The following SRD5A2 variants were observed in gnomAD, a reference collection of about 807,000 sequenced individuals.
SRD5A2 encodes 3-oxo-5-alpha-steroid 4-dehydrogenase 2.
Under a neutral mutation model 27.4 loss-of-function variants are expected in SRD5A2, and 30 were observed. That is an observed-to-expected ratio of 1.10 (90% CI 0.82 to 1.49). The LOEUF is 1.49. Among genes scored for constraint, SRD5A2 ranks in the 40% most tolerant of loss-of-function variants. SRD5A2 has a pLI of 0.00. For synonymous variants in SRD5A2, 141 were observed against 133.6 expected (o/e 1.06, Z -0.38); for missense variants, 348 against 323.4 (o/e 1.08, Z -0.58).
the SRD5A2 span, among the ~76,000 whole-genome samples, chr2:31,614,937 G>A: frequency 6.6e-6 from 1 of 152,082 alleles, no homozygotes. Flanking sequence ...TGTTTGCATA[G>A]TAGTGAATAA....
At chr2:31,661,999 T>C in the SRD5A2 span, among the ~76,000 whole-genome samples, 1 of 152,190 alleles carries the variant, frequency 6.6e-6, no homozygotes, top group East Asian at 1.9e-4. Context: ...AGAATTTTCA[T>C]TAGAATGTTT....
chr2:31,523,146 T>C lies in SRD5A2; in HGVS notation c.*3050A>G. Reference sequence around the variant, plus strand: ...ATAAGGGGGTTTATGACCTGAAACCTTTTTTCCATGCTGAACACACATGTT... The same window carrying C: ...ATAAGGGGGTTTATGACCTGAAACCCTTTTTCCATGCTGAACACACATGTT... On this transcript the variant is annotated 3_prime_UTR_variant, in exon 5 of 5. Transcript: ENST00000622030. The C allele has an allele frequency of 9.3e-6, 2 of 213,904 alleles. No homozygotes were observed. The highest frequency in any genetic ancestry group is 1.9e-5 in the Non-Finnish European group (2 of 105,880). 13.3% of individuals were successfully genotyped at this position (213,904 alleles called of 1,614,324 possible).
At chr2:31,546,522 C>A (rs202238248) in intron 1 of SRD5A2, among the ~76,000 whole-genome samples, 1 of 6 alleles carries the variant, frequency 0.17, no homozygotes, top group Admixed American at 0.5. Flanking sequence ...TTATTCAAAG[C>A]CAAATTAATA....
intron 1 of SRD5A2, among the ~76,000 whole-genome samples, chr2:31,553,582 C>T (rs945692861): frequency 1.3e-5 from 2 of 152,170 alleles, no homozygotes; most frequent in African/African-American, 4.8e-5. Context: ...TCAGATTTCT[C>T]ATAAGAAGCC....
chr2:31,529,128 C>G (rs1665846135), intron 4 of SRD5A2, among the ~76,000 whole-genome samples, 179 bp downstream of exon 4: 1 of 152,226 alleles, frequency 6.6e-6, no homozygotes, highest in African/African-American at 2.4e-5. Flanking sequence ...TCTCATCCAG[C>G]TAACTTCCAA....
rs185904131 is a variant in SRD5A2 at position 31,528,715 on chromosome 2, A to C, written c.698+592T>G. ...TGGGAGGTGAAGGCTGCAGTGAGGC[A>C]AGATCGCCCCATTGCACTTCAGCCT... On this transcript the variant is annotated intron_variant, in intron 4 of 4. Transcript: ENST00000622030. Among the ~76,000 whole-genome samples, 412 of 152,274 alleles carry C rather than the reference A, an allele frequency of 2.7e-3. 5 individuals are homozygous for C. Among genetic ancestry groups the C allele is most frequent in the Admixed American group, 8.9e-3 (136 of 15,288 alleles).
At chr2:31,657,264 G>C in the SRD5A2 span, among the ~76,000 whole-genome samples, 2 of 151,762 alleles carry the variant, frequency 1.3e-5, no homozygotes, top group African/African-American at 4.8e-5. Flanking sequence ...CTGGGTGTGG[G>C]GTATGAGAAA....
chr2:31,654,245 A>G, the SRD5A2 span, among the ~76,000 whole-genome samples: 1 of 152,174 alleles, frequency 6.6e-6, no homozygotes, highest in East Asian at 1.9e-4. Flanking sequence ...GGCTGAAACC[A>G]CATAAGCAAA....
At chr2:31,657,211 A>G in the SRD5A2 span, among the ~76,000 whole-genome samples, 3 of 152,190 alleles carry the variant, frequency 2.0e-5, no homozygotes, top group Non-Finnish European at 4.4e-5. Context: ...GTGCACACAA[A>G]TGTGCGTCCC....
At position 31,529,399 on chromosome 2, in the gene SRD5A2, G is replaced by A. The variant is rs200227068; in HGVS notation, c.606C>T (p.Ile202=). 1.2e-5 allele frequency: 20 copies of A among 1,613,782 alleles called. No individual in the cohort carries two copies. Among genetic ancestry groups the A allele is most frequent in the East Asian group, 2.2e-5 (1 of 44,880 alleles). ...ANFLGEIIEW[I]GYALATWSLP... ...GGGACCAAGTGGCCAGGGCATAGCC[G>A]ATCCATTCAATGATCTCACCGAGGA... The change falls in exon 4 of 5, where the codon ATC becomes ATT. Residue 202 remains isoleucine (I), a synonymous_variant. Transcript: ENST00000622030.
At chr2:31,595,099 C>G in the SRD5A2 span, among the ~76,000 whole-genome samples, 2 of 152,088 alleles carry the variant, frequency 1.3e-5, no homozygotes, top group African/African-American at 4.8e-5. Context: ...ATGCTTACAT[C>G]AAAAAGTCTG....
At chr2:31,533,273 G>A (rs527843843) in intron 2 of SRD5A2, among the ~76,000 whole-genome samples, 1 of 152,222 alleles carries the variant, frequency 6.6e-6, no homozygotes, top group Admixed American at 6.5e-5. Context: ...TGGCACTGGA[G>A]CACAGAAAAG....
the SRD5A2 span, among the ~76,000 whole-genome samples, chr2:31,647,925 T>A: frequency 2.8e-4 from 42 of 152,354 alleles, no homozygotes; most frequent in East Asian, 8.1e-3. Flanking sequence ...ACTGTTTCTA[T>A]CATTTTGCTA....
chr2:31,559,175 G>C (rs544810410), intron 1 of SRD5A2, among the ~76,000 whole-genome samples: 4 of 152,294 alleles, frequency 2.6e-5, no homozygotes, highest in African/African-American at 9.6e-5. Context: ...TGAGCTCCCA[G>C]ACTGTGTGAT....
chr2:31,539,161 T>C (rs1163234639), intron 1 of SRD5A2, among the ~76,000 whole-genome samples: 3 of 152,124 alleles, frequency 2.0e-5, no homozygotes, highest in South Asian at 2.1e-4. Context: ...ATTCTAAAAG[T>C]TGGAGAGAAC....
At chr2:31,599,198 A>T in the SRD5A2 span, among the ~76,000 whole-genome samples, 1 of 152,026 alleles carries the variant, frequency 6.6e-6, no homozygotes, top group Non-Finnish European at 1.5e-5. Context: ...GAGAGGTCCC[A>T]GAACAATAAT....
At chr2:31,642,889 T>G in the SRD5A2 span, among the ~76,000 whole-genome samples, 99 of 152,228 alleles carry the variant, frequency 6.5e-4, no homozygotes, top group Middle Eastern at 0.01. Flanking sequence ...AAATTGTGGA[T>G]TCATCTCATA....
chr2:31,527,374 T>C (rs1237237570), intron 4 of SRD5A2, among the ~76,000 whole-genome samples: 2 of 152,178 alleles, frequency 1.3e-5, no homozygotes, highest in East Asian at 3.9e-4. Context: ...GTACTGTGAT[T>C]TGAGAAGTCT....
the SRD5A2 span, among the ~76,000 whole-genome samples, chr2:31,640,140 A>G: frequency 2.0e-5 from 3 of 150,378 alleles, no homozygotes; most frequent in Admixed American, 6.6e-5. Context: ...TAGAGCCTCT[A>G]AAGAGTTCTT....
Sources: gnomAD v4.1 joint callset for allele counts (sites outside exome capture counted in the v4.1 genomes callset) on GRCh38, gnomAD v4.1.1 for gene constraint, MANE v1.5 for transcripts, NCBI Gene and HGNC (gene_info 2026-07-23, HGNC 2026-07-21) for gene names.